The following LRRIQ3 variants were observed in gnomAD, a reference collection of about 807,000 sequenced individuals.
LRRIQ3 encodes the protein leucine-rich repeat and IQ domain-containing protein 3.
In LRRIQ3, 75 loss-of-function variants were observed where a neutral mutation model predicts 59.3. That is an observed-to-expected ratio of 1.26 (90% CI 1.05 to 1.53). The LOEUF (loss-of-function observed/expected upper bound fraction) is 1.53, where lower values mean the gene tolerates loss of function less well. LRRIQ3 is among the 40% of genes most tolerant of loss of function. The probability of loss-of-function intolerance (pLI) is 0.00; values close to 1 mark genes in which losing one functional copy is unlikely to be tolerated. For synonymous variants in LRRIQ3, 250 were observed against 231.3 expected (o/e 1.08, Z -0.73); for missense variants, 831 against 710.0 (o/e 1.17, Z -1.94).
rs576678698 is a variant in LRRIQ3, at chr1:74,139,310, G to T, written c.707+16423C>A. Among the ~76,000 whole-genome samples, 8 of 151,054 alleles carry T rather than the reference G, an allele frequency of 5.3e-5. No individual in the cohort carries two copies. In the South Asian group the frequency reaches 1.3e-3, roughly 24 times the overall value. ...AAGGAAGGAAGGAGGGAGGGAGGGA[G>T]GGAAGGAAAAAGCGAGAAGCTAGGA... On this transcript the variant is annotated intron_variant, in intron 4 of 7. Coordinates refer to ENST00000354431, the MANE Select transcript of LRRIQ3 (RefSeq NM_001105659.2).
In LRRIQ3 at chr1:74,026,671, T is replaced by C. The variant is rs1191050895; in HGVS notation, c.*142A>G. 6.1e-6 allele frequency: 4 copies of C among 653,188 alleles called. No individual in the cohort carries two copies. Among genetic ancestry groups the C allele is most frequent in the Non-Finnish European group, 7.2e-6 (3 of 419,398 alleles). 40.5% of individuals were successfully genotyped at this position (653,188 alleles called of 1,614,324 possible). On this transcript the variant is annotated 3_prime_UTR_variant, in exon 8 of 8. Transcript: ENST00000354431. The stretch of plus-strand genomic sequence containing the variant: ...CCAATAAGAGAAACATTTTAACTAA[T>C]CTTTATATTTTTAGAAGACTTATAT...
chr1:74,078,678 G>A (rs1646236606), intron 5 of LRRIQ3: 3 of 151,802 alleles, frequency 2.0e-5, no homozygotes, highest in African/African-American at 7.2e-5. Context: ...GAAGAACTAT[G>A]TCAGATCAGG....
At chr1:74,034,196 C>T (rs534204332) in intron 7 of LRRIQ3, among the ~76,000 whole-genome samples, 22 of 151,924 alleles carry the variant, frequency 1.4e-4, no homozygotes, top group African/African-American at 3.6e-4. Flanking sequence ...GAATCATCAG[C>T]GGAAAAAGTA....
chr1:74,062,609 G>T (rs568680224), intron 6 of LRRIQ3, among the ~76,000 whole-genome samples: 1 of 152,192 alleles, frequency 6.6e-6, no homozygotes, highest in South Asian at 2.1e-4. Context: ...CAGTAGACTA[G>T]ATAAAGAAAA....
chr1:74,083,460 T>A (rs1379234975), intron 5 of LRRIQ3: 1 of 842 alleles, frequency 1.2e-3, no homozygotes, highest in Non-Finnish European at 0.021. Flanking sequence ...ATCTTGTATA[T>A]TTTATTTTTA....
intron 4 of LRRIQ3, among the ~76,000 whole-genome samples, chr1:74,137,933 G>A (rs1015890447): frequency 2.0e-5 from 3 of 151,596 alleles, no homozygotes; most frequent in Non-Finnish European, 2.9e-5. Flanking sequence ...CACACACCGG[G>A]GCCTGTCAGG....
intron 5 of LRRIQ3, among the ~76,000 whole-genome samples, chr1:74,092,675 C>A (rs1260051549): frequency 2.0e-5 from 3 of 151,976 alleles, no homozygotes; most frequent in South Asian, 2.1e-4. Context: ...TCTAGCCAGG[C>A]TGAAATAAGA....
chr1:74,073,395 C>CCA (rs2100476053), intron 6 of LRRIQ3, among the ~76,000 whole-genome samples: 1 of 152,014 alleles, frequency 6.6e-6, no homozygotes, highest in South Asian at 2.1e-4. Context: ...GCCTGTAGTC[C>CCA]CAGCTACTTA....
At chr1:74,127,377 G>T (rs996514673) in intron 4 of LRRIQ3, among the ~76,000 whole-genome samples, 14 of 151,776 alleles carry the variant, frequency 9.2e-5, no homozygotes, top group African/African-American at 3.4e-4. Context: ...TTTTACTCTT[G>T]CCATTTTGTT....
intron 4 of LRRIQ3, among the ~76,000 whole-genome samples, chr1:74,147,387 C>G (rs1415249686): frequency 1.3e-5 from 2 of 152,040 alleles, no homozygotes; most frequent in African/African-American, 2.4e-5. Flanking sequence ...CTTTGGTCAA[C>G]CATGAAAGAT....
chr1:74,114,458 A>T (rs1646750071), intron 4 of LRRIQ3, among the ~76,000 whole-genome samples: 1 of 151,964 alleles, frequency 6.6e-6, no homozygotes, highest in Non-Finnish European at 1.5e-5. Flanking sequence ...AAGGCCTAAT[A>T]AAAGCACCAA....
At chr1:74,032,030 A>C (rs1362457461) in intron 7 of LRRIQ3, among the ~76,000 whole-genome samples, 1 of 151,940 alleles carries the variant, frequency 6.6e-6, no homozygotes, top group Admixed American at 6.6e-5. Context: ...TTATAAGATA[A>C]TATTATGATG....
chr1:74,084,408 G>T (rs1021252178), intron 5 of LRRIQ3, among the ~76,000 whole-genome samples: 19 of 151,822 alleles, frequency 1.3e-4, no homozygotes, highest in Admixed American at 5.3e-4. Context: ...ACCTAAACAT[G>T]TGAATTTTCA....
At chr1:74,084,320 G>A in intron 5 of LRRIQ3, 1 of 1,182,566 alleles carries the variant, frequency 8.5e-7, no homozygotes, top group Non-Finnish European at 1.2e-6. Flanking sequence ...CATTTTGCCT[G>A]GAGGACAGTG....
rs555265878 is a variant in LRRIQ3, at chr1:74,116,792, T to C, written c.708-7239A>G. ...AAATTTACATATTAATGAAAAAATTTAAGCCATTATGTATTAAGATTTTAT... is the reference window on the plus strand; with the variant it reads ...AAATTTACATATTAATGAAAAAATTCAAGCCATTATGTATTAAGATTTTAT... On this transcript the variant is annotated intron_variant, in intron 4 of 7. Transcript: ENST00000354431. Among the ~76,000 whole-genome samples, 5 of 152,156 alleles carry C rather than the reference T, an allele frequency of 3.3e-5. No homozygotes were observed. In the South Asian group the frequency reaches 8.3e-4, roughly 25 times the overall value.
At chr1:74,132,981 T>C (rs1224015372) in intron 4 of LRRIQ3, among the ~76,000 whole-genome samples, 2 of 152,110 alleles carry the variant, frequency 1.3e-5, no homozygotes, top group Admixed American at 6.6e-5. Flanking sequence ...AATGGGCTAA[T>C]ATCCAGAATC....
intron 3 of LRRIQ3, among the ~76,000 whole-genome samples, chr1:74,179,609 T>C (rs1649856795): frequency 6.6e-6 from 1 of 151,984 alleles, no homozygotes; most frequent in Admixed American, 6.6e-5. Context: ...TTCATATTTA[T>C]TCCTTCTCAA....
rs369161082 is a variant in LRRIQ3 at position 74,049,945 on chromosome 1, ACG to A, written c.998-8014_998-8013del. 2.0e-3 allele frequency among the ~76,000 whole-genome samples: 277 copies of A among 137,776 alleles called. 3 individuals carry two copies. The highest frequency in any genetic ancestry group is 6.7e-3 in the African/African-American group (246 of 36,942). The allele number at this position is 137,776 out of a possible 152,430, so 90.4% of individuals were successfully genotyped here. On this transcript the variant is annotated intron_variant, in intron 6 of 7. Transcript: ENST00000354431. Reference sequence around the variant, plus strand: ...TTTTTCTTTTTTTTTTTTTTTTGAGACGGAGTCTCACTCTGTTGCCCAGGCTA... The same window carrying A: ...TTTTTCTTTTTTTTTTTTTTTTGAGAGAGTCTCACTCTGTTGCCCAGGCTA...
intron 4 of LRRIQ3, among the ~76,000 whole-genome samples, chr1:74,134,691 G>A (rs1230370886): frequency 4.0e-5 from 6 of 151,708 alleles, no homozygotes; most frequent in African/African-American, 1.5e-4. Context: ...TTAATTTGAA[G>A]TAAAATGTGA....
Sources: gnomAD v4.1 joint callset for allele counts (sites outside exome capture counted in the v4.1 genomes callset) on GRCh38, gnomAD v4.1.1 for gene constraint, MANE v1.5 for transcripts, NCBI Gene and HGNC (gene_info 2026-07-23, HGNC 2026-07-21) for gene names.